The following ROBO1 variants were observed in gnomAD, a reference collection of about 807,000 sequenced individuals.
ROBO1 encodes the protein roundabout homolog 1.
In ROBO1, 149 loss-of-function variants were observed where a neutral mutation model predicts 195.9. That is an observed-to-expected ratio of 0.76 (90% CI 0.67 to 0.87). The LOEUF (loss-of-function observed/expected upper bound fraction) is 0.87. Ranked by LOEUF, ROBO1 falls within the 40% of genes least tolerant of loss-of-function variation. ROBO1 has a pLI of 0.00. For missense variants in ROBO1, 1,933 were observed against 2,068.3 expected (o/e 0.93, Z 1.27); for synonymous variants, 816 against 733.2 (o/e 1.11, Z -1.82).
At chr3:79,031,678 C>T (rs2108304163) in intron 3 of ROBO1, among the ~76,000 whole-genome samples, 1 of 152,226 alleles carries the variant, frequency 6.6e-6, no homozygotes, top group East Asian at 1.9e-4. Context: ...AAGTAATACA[C>T]ATAAAGCGCT....
chr3:79,352,727 T>C (rs1329509133), intron 2 of ROBO1, among the ~76,000 whole-genome samples: 1 of 152,182 alleles, frequency 6.6e-6, no homozygotes, highest in Non-Finnish European at 1.5e-5. Flanking sequence ...TATAATTTAG[T>C]CATTTTAAGA....
At chr3:79,254,857 A>G (rs1033066855) in intron 2 of ROBO1, among the ~76,000 whole-genome samples, 2 of 152,136 alleles carry the variant, frequency 1.3e-5, no homozygotes, top group African/African-American at 4.8e-5. Context: ...TGTGTCTAGC[A>G]TATTCTGGTA....
chr3:78,777,613 T>C (rs959731611), intron 4 of ROBO1, among the ~76,000 whole-genome samples: 4 of 152,178 alleles, frequency 2.6e-5, no homozygotes, highest in Non-Finnish European at 5.9e-5. Flanking sequence ...TCCTTTTAAG[T>C]GAGTATTTTT....
At chr3:78,859,324 G>C (rs1342946180) in intron 4 of ROBO1, among the ~76,000 whole-genome samples, 1 of 152,184 alleles carries the variant, frequency 6.6e-6, no homozygotes, top group African/African-American at 2.4e-5. Context: ...TTCAGAGTTT[G>C]AATTTTTAAA....
chr3:79,387,145 A>G (rs2036780801), intron 2 of ROBO1, among the ~76,000 whole-genome samples: 2 of 152,186 alleles, frequency 1.3e-5, no homozygotes, highest in African/African-American at 2.4e-5. Flanking sequence ...TGGGATTACC[A>G]TATTTAGTTT....
chr3:78,750,138 TAGA>T (rs1181422580), intron 4 of ROBO1, among the ~76,000 whole-genome samples: 3 of 152,066 alleles, frequency 2.0e-5, no homozygotes, highest in Non-Finnish European at 4.4e-5. Flanking sequence ...ATTTGAATCC[TAGA>T]AGGTTTTTTC....
chr3:79,387,989 A>T (rs972438861), intron 2 of ROBO1, among the ~76,000 whole-genome samples: 3 of 152,138 alleles, frequency 2.0e-5, no homozygotes, highest in African/African-American at 4.8e-5. Flanking sequence ...GCACTGTGTG[A>T]TATGGACCCA....
intron 4 of ROBO1, among the ~76,000 whole-genome samples, chr3:78,891,962 A>G (rs898039086): frequency 6.6e-6 from 1 of 152,188 alleles, no homozygotes; most frequent in African/African-American, 2.4e-5. Context: ...CTAATGAGGA[A>G]ATTTTGGAAT....
chr3:78,855,651 C>T (rs758263440), intron 4 of ROBO1, among the ~76,000 whole-genome samples: 8 of 152,144 alleles, frequency 5.3e-5, no homozygotes, highest in Non-Finnish European at 1.2e-4. Flanking sequence ...CTTTTCTGCT[C>T]AGACTTCATG....
chr3:79,634,207 A>C (rs1945430075), intron 1 of ROBO1, among the ~76,000 whole-genome samples: 1 of 152,178 alleles, frequency 6.6e-6, no homozygotes. Flanking sequence ...TCTGACATGC[A>C]AAGCTTCAGT....
chr3:78,674,545 A>G (rs1708277773), intron 10 of ROBO1, among the ~76,000 whole-genome samples: 2 of 152,236 alleles, frequency 1.3e-5, no homozygotes, highest in Non-Finnish European at 2.9e-5. Context: ...GTGCCAAAAC[A>G]GCAAACACGA....
chr3:79,325,342 A>C (rs2034157845), intron 2 of ROBO1, among the ~76,000 whole-genome samples: 1 of 152,134 alleles, frequency 6.6e-6, no homozygotes. Context: ...GTTTTATTTC[A>C]TTCTTCACCC....
chr3:78,662,045 T>G lies in ROBO1; in HGVS notation c.2036A>C (p.His679Pro), dbSNP rs1575867479. The change falls in exon 15 of 31, where the codon CAC (histidine) becomes CCC (proline). Residue 679 changes from histidine (H) to proline (P), a missense_variant. Physicochemically the swap from His to Pro is moderately conservative, Grantham distance 77. Transcript: ENST00000464233. ...AGAAAGGACGGTGGGGTTGTGGAGG[T>G]GCAGAACAGCATTTCCCAGCTCTCT... ...VQRELGNAVLHLHNPTVLSSS... is the reference protein window; with the variant it reads ...VQRELGNAVLPLHNPTVLSSS... The G allele has an allele frequency of 1.2e-6, 2 of 1,600,066 alleles. No individual in the cohort carries two copies. Among genetic ancestry groups the G allele is most frequent in the Non-Finnish European group, 1.7e-6 (2 of 1,173,152 alleles).
At chr3:78,805,717 T>A (rs762150386) in intron 4 of ROBO1, among the ~76,000 whole-genome samples, 13 of 152,090 alleles carry the variant, frequency 8.5e-5, no homozygotes, top group Non-Finnish European at 1.8e-4. Context: ...CACACTATTT[T>A]TAGCTAAAGT....
chr3:78,905,752 T>C (rs1414330920), intron 4 of ROBO1, among the ~76,000 whole-genome samples: 1 of 152,150 alleles, frequency 6.6e-6, no homozygotes, highest in East Asian at 1.9e-4. Context: ...AGGTGCTATA[T>C]TTCATACTTA....
At chr3:79,698,585 T>G (rs2107138962) in intron 1 of ROBO1, among the ~76,000 whole-genome samples, 1 of 151,680 alleles carries the variant, frequency 6.6e-6, no homozygotes, top group African/African-American at 2.4e-5. Context: ...GGTTCAATTG[T>G]GAAATTTGCC....
chr3:79,361,168 G>A (rs970949841), intron 2 of ROBO1, among the ~76,000 whole-genome samples: 1 of 151,972 alleles, frequency 6.6e-6, no homozygotes, highest in African/African-American at 2.4e-5. Flanking sequence ...TGTATGACCT[G>A]AGATAAATAT....
intron 1 of ROBO1, among the ~76,000 whole-genome samples, chr3:79,705,425 A>G (rs1470256112): frequency 6.6e-6 from 1 of 151,898 alleles, no homozygotes; most frequent in South Asian, 2.1e-4. Flanking sequence ...ACATTTTTTA[A>G]AAGATTGTCT....
chr3:79,103,332 A>G (rs1216910540), intron 3 of ROBO1, among the ~76,000 whole-genome samples: 1 of 151,790 alleles, frequency 6.6e-6, no homozygotes, highest in Admixed American at 6.6e-5. Context: ...AAACAGAACT[A>G]AGACACCGGT....
Sources: gnomAD v4.1 joint callset for allele counts (sites outside exome capture counted in the v4.1 genomes callset) on GRCh38, gnomAD v4.1.1 for gene constraint, MANE v1.5 for transcripts, NCBI Gene and HGNC (gene_info 2026-07-23, HGNC 2026-07-21) for gene names.